The following SPTLC3 variants were observed in gnomAD, a reference collection of about 807,000 sequenced individuals.
The protein encoded by SPTLC3 is serine palmitoyltransferase 3.
SPTLC3 carries 36 observed loss-of-function variants against 59.3 expected under a neutral mutation model. That is an observed-to-expected ratio of 0.61 (90% CI 0.47 to 0.80). The LOEUF is 0.80. SPTLC3 is among the 30% of genes least tolerant of loss of function. The pLI is 0.00. For synonymous variants in SPTLC3, 257 were observed against 240.8 expected, an observed-to-expected ratio of 1.07 and a Z score of -0.62; for missense variants, 625 against 685.1, an observed-to-expected ratio of 0.91 and a Z score of 0.98.
At chr20:13,120,588 G>A (rs1990848274) in intron 8 of SPTLC3, among the ~76,000 whole-genome samples, 2 of 152,160 alleles carry the variant, frequency 1.3e-5, no homozygotes, top group African/African-American at 4.8e-5. Context: ...GTGTCTAGGA[G>A]GTTCTGGAAA....
chr20:13,059,185 C>A (rs1259244600), intron 2 of SPTLC3, among the ~76,000 whole-genome samples: 1 of 152,180 alleles, frequency 6.6e-6, no homozygotes, highest in African/African-American at 2.4e-5. Context: ...CAAAAAACTA[C>A]ATGACTGCTG....
chr20:13,090,996 GGTGATGT>G (rs1217640599), intron 4 of SPTLC3, 80 bp from the exon 5 acceptor site: 1 of 1,539,298 alleles, frequency 6.5e-7, no homozygotes, highest in Non-Finnish European at 8.8e-7. Context: ...TAGGTCTTTT[GGTGATGT>G]GTACGTACTG....
At chr20:13,060,738 A>G (rs1987940059) in intron 2 of SPTLC3, among the ~76,000 whole-genome samples, 1 of 152,070 alleles carries the variant, frequency 6.6e-6, no homozygotes. Flanking sequence ...TTCACTTAAG[A>G]TAACAGCCTA....
chr20:13,049,450 A>G, intron 2 of SPTLC3: 1 of 241,798 alleles, frequency 4.1e-6, no homozygotes, highest in Non-Finnish European at 8.3e-6. Flanking sequence ...TCAAAATATA[A>G]AAGCAAGTGC....
At chr20:13,013,648 G>T (rs1234526855) in intron 1 of SPTLC3, among the ~76,000 whole-genome samples, 1 of 152,122 alleles carries the variant, frequency 6.6e-6, no homozygotes, top group Non-Finnish European at 1.5e-5. Context: ...AAGCATTCTT[G>T]TGTGTCAGGT....
At chr20:13,153,813 A>G (rs143373532) in intron 9 of SPTLC3, among the ~76,000 whole-genome samples, 190 bp from the exon 10 acceptor site, 2 of 152,232 alleles carry the variant, frequency 1.3e-5, no homozygotes, top group Non-Finnish European at 2.9e-5. Flanking sequence ...CCTGCCTTCC[A>G]GGTGCAAGGT....
At chr20:13,069,232 A>C (rs1004583598) in intron 2 of SPTLC3, among the ~76,000 whole-genome samples, 2 of 151,974 alleles carry the variant, frequency 1.3e-5, no homozygotes, top group Admixed American at 1.3e-4. Flanking sequence ...GACCGAAATC[A>C]CTCTGAAGTC....
At chr20:13,106,406 C>T (rs1033481551) in intron 6 of SPTLC3, among the ~76,000 whole-genome samples, 3 of 152,004 alleles carry the variant, frequency 2.0e-5, no homozygotes, top group African/African-American at 7.2e-5. Flanking sequence ...ATAGACAAGT[C>T]GGGAGGGACA....
At chr20:13,016,360 A>G (rs1985528470) in intron 1 of SPTLC3, among the ~76,000 whole-genome samples, 1 of 152,204 alleles carries the variant, frequency 6.6e-6, no homozygotes, top group African/African-American at 2.4e-5. Context: ...TAAAGCTAAT[A>G]AATCAATTGT....
intron 9 of SPTLC3, among the ~76,000 whole-genome samples, chr20:13,137,648 T>C (rs1029367128): frequency 1.3e-5 from 2 of 152,154 alleles, no homozygotes; most frequent in East Asian, 3.8e-4. Flanking sequence ...AAAGAAAGCA[T>C]ATATTCTGTT....
chr20:13,062,216 C>A (rs866825715), intron 2 of SPTLC3, among the ~76,000 whole-genome samples: 1 of 152,158 alleles, frequency 6.6e-6, no homozygotes, highest in African/African-American at 2.4e-5. Context: ...TCCCCCATCT[C>A]CCCCACCAGG....
chr20:13,133,445 C>T (rs1038884719), intron 9 of SPTLC3, among the ~76,000 whole-genome samples: 3 of 152,068 alleles, frequency 2.0e-5, no homozygotes, highest in African/African-American at 7.2e-5. Flanking sequence ...ATTAAATCTC[C>T]ATAACAGGTC....
chr20:13,091,014 G>A, intron 4 of SPTLC3, 69 bp from the exon 5 acceptor site: 1 of 1,592,166 alleles, frequency 6.3e-7, no homozygotes. Flanking sequence ...GTACGTACTG[G>A]AATTTGAGTT....
intron 1 of SPTLC3, among the ~76,000 whole-genome samples, chr20:13,047,430 T>G (rs896157528): frequency 6.6e-6 from 1 of 152,164 alleles, no homozygotes; most frequent in Non-Finnish European, 1.5e-5. Flanking sequence ...GTACCTTAAA[T>G]ATTAGTAGAG....
At chr20:13,136,128 T>C (rs1265625373) in intron 9 of SPTLC3, among the ~76,000 whole-genome samples, 2 of 152,196 alleles carry the variant, frequency 1.3e-5, no homozygotes, top group Non-Finnish European at 2.9e-5. Flanking sequence ...CTATTTTTCT[T>C]CAAAGTCACA....
At chr20:13,154,183 G>T in intron 10 of SPTLC3, 45 bp downstream of exon 10, 1 of 1,606,906 alleles carries the variant, frequency 6.2e-7, no homozygotes, top group South Asian at 1.1e-5. Flanking sequence ...ACCCCAAGGT[G>T]ACCTAAGATG....
At chr20:13,027,296 G>A (rs1176211076) in intron 1 of SPTLC3, among the ~76,000 whole-genome samples, 2 of 152,042 alleles carry the variant, frequency 1.3e-5, no homozygotes, top group East Asian at 1.9e-4. Context: ...ACGTCTGTAC[G>A]TCCCTTTCAC....
intron 9 of SPTLC3, among the ~76,000 whole-genome samples, chr20:13,140,859 T>C (rs1423704094): frequency 1.3e-5 from 2 of 152,188 alleles, no homozygotes; most frequent in Non-Finnish European, 2.9e-5. Flanking sequence ...TTAAATCACT[T>C]TGTGCGAATT....
intron 7 of SPTLC3, among the ~76,000 whole-genome samples, chr20:13,116,351 T>G (rs1600307837): frequency 6.6e-6 from 1 of 152,236 alleles, no homozygotes; most frequent in Non-Finnish European, 1.5e-5. Flanking sequence ...TTCCTTTGTG[T>G]GGTGAGTGTG....
Sources: allele counts gnomAD v4.1 joint callset (sites outside exome capture counted in the v4.1 genomes callset), GRCh38; gene constraint gnomAD v4.1.1; transcripts MANE v1.5; gene names NCBI Gene and HGNC (gene_info 2026-07-23, HGNC 2026-07-21).